Variants in ST14 observed in about 807,000 individuals in gnomAD.
ST14 encodes the protein suppressor of tumorigenicity 14 protein.
ST14 carries 40 observed loss-of-function variants against 96.5 expected under a neutral mutation model. The observed-to-expected ratio is 0.41, with a 90% CI of 0.32 to 0.54. ST14 has a LOEUF of 0.54. Among genes scored for constraint, ST14 ranks in the 20% least tolerant of loss-of-function variants. The pLI is 0.17. For missense variants in ST14, 1,066 were observed against 1,188.9 expected (o/e 0.90, Z 1.52); for synonymous variants, 506 against 492.1 (o/e 1.03, Z -0.37).
At chr11:130,183,113 C>T (rs531516063) in intron 1 of ST14, among the ~76,000 whole-genome samples, 38 of 152,012 alleles carry the variant, frequency 2.5e-4, no homozygotes, top group East Asian at 1.9e-3. Flanking sequence ...TCCACGACCA[C>T]GCCTGGCTAA....
At chr11:130,163,780 G>T (rs1953020399) in intron 1 of ST14, among the ~76,000 whole-genome samples, 1 of 152,198 alleles carries the variant, frequency 6.6e-6, no homozygotes, top group Non-Finnish European at 1.5e-5. Flanking sequence ...CCTCGTTTAG[G>T]AGTTGAGAAA....
chr11:130,173,974 C>T (rs1485599927), intron 1 of ST14, among the ~76,000 whole-genome samples: 1 of 152,202 alleles, frequency 6.6e-6, no homozygotes. Context: ...TTTCCAAAAA[C>T]ATTTTTTAAG....
intron 1 of ST14, among the ~76,000 whole-genome samples, chr11:130,172,178 G>A (rs911188150): frequency 6.6e-6 from 1 of 151,794 alleles, no homozygotes; most frequent in Non-Finnish European, 1.5e-5. Context: ...GCAGTGGCGT[G>A]ATCACAGCTC....
chr11:130,197,469 G>A (rs1414905566), intron 11 of ST14, among the ~76,000 whole-genome samples: 1 of 152,286 alleles, frequency 6.6e-6, no homozygotes, highest in Non-Finnish European at 1.5e-5. Flanking sequence ...GACCAGCTGA[G>A]CGTCACAGGC....
intron 16 of ST14, among the ~76,000 whole-genome samples, chr11:130,203,917 G>A (rs1051399861): frequency 6.6e-6 from 1 of 152,242 alleles, no homozygotes; most frequent in African/African-American, 2.4e-5. Context: ...GCCTCCCAAA[G>A]TGCTGGGATT....
At chr11:130,185,828 G>A (rs1185296707) in intron 1 of ST14, among the ~76,000 whole-genome samples, 2 of 151,352 alleles carry the variant, frequency 1.3e-5, no homozygotes, top group South Asian at 4.2e-4. Context: ...TTGTTTTTGA[G>A]ACAGAGTTTT....
At position 130,199,097 on chromosome 11, in the gene ST14, G is replaced by A. The variant is rs561804134; in HGVS notation, c.1807+28G>A. ...GAGCAGGGCATCCGAGTACGGTTGT[G>A]CAGGTTGTTCACTGTGTGAAGTGCC... On this transcript the variant is annotated intron_variant, in intron 15 of 18. Coordinates refer to ENST00000278742, the MANE Select transcript of ST14 (RefSeq NM_021978.4). 8.7e-6 allele frequency: 14 copies of A among 1,607,612 alleles called. No homozygotes were observed. In the African/African-American group the frequency reaches 1.7e-4, roughly 20 times the overall value.
chr11:130,197,285 G>A (rs1453389053), intron 11 of ST14, among the ~76,000 whole-genome samples: 1 of 152,250 alleles, frequency 6.6e-6, no homozygotes, highest in Non-Finnish European at 1.5e-5. Flanking sequence ...ACTTACCTGT[G>A]ACCGAAGTGT....
At chr11:130,203,263 C>T (rs933781839) in intron 16 of ST14, among the ~76,000 whole-genome samples, 2 of 152,256 alleles carry the variant, frequency 1.3e-5, no homozygotes, top group Non-Finnish European at 2.9e-5. Flanking sequence ...TGGCTCTCCC[C>T]TCTCCCCCGT....
At chr11:130,160,192 C>G (rs1179341567) in intron 1 of ST14, 132 bp downstream of exon 1, 2 of 595,356 alleles carry the variant, frequency 3.4e-6, no homozygotes, top group Non-Finnish European at 5.0e-6. Context: ...GGTGGAATTT[C>G]CTGTTCAGCG....
At chr11:130,174,601 A>G (rs1434858773) in intron 1 of ST14, among the ~76,000 whole-genome samples, 2 of 152,164 alleles carry the variant, frequency 1.3e-5, no homozygotes, top group East Asian at 3.9e-4. Context: ...AAAAGACTTC[A>G]TCTTCCATTT....
intron 16 of ST14, among the ~76,000 whole-genome samples, chr11:130,203,462 T>C (rs1442450800): frequency 1.3e-5 from 2 of 152,144 alleles, no homozygotes; most frequent in Admixed American, 1.3e-4. Context: ...CAGAGGGGCC[T>C]TCCCCAAATC....
At chr11:130,192,246 G>T (rs1405806481) in intron 7 of ST14, among the ~76,000 whole-genome samples, 2 of 152,208 alleles carry the variant, frequency 1.3e-5, no homozygotes, top group African/African-American at 4.8e-5. Flanking sequence ...TGCCGCCACA[G>T]CTTCGTAACC....
At position 130,208,575 on chromosome 11, in the gene ST14, G is replaced by A. The variant is rs151333132; in HGVS notation, c.2160G>A (p.Pro720=). ...YDIALLELEK[P]AEYSSMVRPI... is the part of the protein sequence containing the mutation. ...TCGCGCTGCTGGAGCTGGAGAAACC[G>A]GCAGAGTACAGCTCCATGGTGCGGC... Residue 720 remains proline, a synonymous_variant, in exon 17 of 19, where the codon CCG becomes CCA. Coordinates refer to ENST00000278742, the MANE Select transcript of ST14 (RefSeq NM_021978.4). 4.2e-4 allele frequency: 679 copies of A among 1,614,180 alleles called. 13 individuals carry two copies. In the East Asian group the frequency reaches 0.014, roughly 34 times the overall value.
chr11:130,182,986 C>T (rs1164353665), intron 1 of ST14, among the ~76,000 whole-genome samples: 5 of 142,548 alleles, frequency 3.5e-5, no homozygotes, highest in Non-Finnish European at 6.1e-5. Context: ...AATGGAGTTT[C>T]GCTCTTGTTG....
In ST14 at chr11:130,194,824, G is replaced by T. The variant is rs1370378220; in HGVS notation, c.1113+87G>T. 6 of 1,336,014 alleles carry T rather than the reference G, an allele frequency of 4.5e-6. No homozygotes were observed. The East Asian group carries it at 1.2e-4, about 26-fold the overall frequency. The allele number at this position is 1,336,014 out of a possible 1,614,324, so 82.8% of individuals were successfully genotyped here. A position where few individuals can be genotyped will look rare whatever the true frequency, so the allele number is the denominator to read the frequency against. ...TCTCCCTGTGCAGATGTGTGTGGAT[G>T]TGTGTGCATGTGTTTGCATATGTGT... On this transcript the variant is annotated intron_variant, in intron 9 of 18. Coordinates refer to ENST00000278742, the MANE Select transcript of ST14 (RefSeq NM_021978.4).
chr11:130,169,094 T>TTC (rs1394854389), intron 1 of ST14, among the ~76,000 whole-genome samples: 3 of 87,996 alleles, frequency 3.4e-5, no homozygotes, highest in African/African-American at 2.1e-4. Flanking sequence ...TATAATGGGT[T>TTC]TTTTTTTTTT....
At chr11:130,189,513 C>T in intron 4 of ST14, 1 of 600,492 alleles carries the variant, frequency 1.7e-6, no homozygotes, top group South Asian at 2.0e-5. Flanking sequence ...GAGCAGCCCC[C>T]AGAATCGGTC....
chr11:130,206,738 TTG>T (rs1953493745), intron 16 of ST14, among the ~76,000 whole-genome samples: 1 of 152,074 alleles, frequency 6.6e-6, no homozygotes, highest in East Asian at 1.9e-4. Flanking sequence ...TGGCTAATTT[TTG>T]TGTTTTTGGT....
Sources: allele counts gnomAD v4.1 joint callset (sites outside exome capture counted in the v4.1 genomes callset), GRCh38; gene constraint gnomAD v4.1.1; transcripts MANE v1.5; gene names NCBI Gene and HGNC (gene_info 2026-07-23, HGNC 2026-07-21).